PCDHGA5: variants seen among roughly 807,000 people sequenced by gnomAD.
PCDHGA5 encodes protocadherin gamma subfamily A, 5, also known as protocadherin gamma-A5.
In PCDHGA5, 36 loss-of-function variants were observed where a neutral mutation model predicts 56.7. The observed-to-expected ratio is 0.64, with a 90% confidence interval of 0.49 to 0.84. The LOEUF (loss-of-function observed/expected upper bound fraction) is 0.84. Among genes scored for constraint, PCDHGA5 ranks in the 40% least tolerant of loss-of-function variants. PCDHGA5 has a pLI of 0.00. For synonymous variants in PCDHGA5, 563 were observed against 520.2 expected (o/e 1.08, Z -1.12); for missense variants, 1,305 against 1,201.5 (o/e 1.09, Z -1.27).
At chr5:141,464,279 C>CAAA (rs373828487) in intron 1 of PCDHGA5, among the ~76,000 whole-genome samples, 8 of 137,748 alleles carry the variant, frequency 5.8e-5, no homozygotes, top group Admixed American at 1.5e-4. Flanking sequence ...AAAAAAAAAG[C>CAAA]AAAAAAAAAA....
At chr5:141,393,512 G>A in intron 1 of PCDHGA5, 1 of 1,613,996 alleles carries the variant, frequency 6.2e-7, no homozygotes, top group Non-Finnish European at 8.5e-7. Flanking sequence ...TGACAGTGTT[G>A]GATACAAATG....
chr5:141,491,702 T>A lies in PCDHGA5; in HGVS notation c.2422-3105T>A. The A allele has an allele frequency of 6.2e-7, 1 of 1,611,514 alleles. No homozygotes were observed. Among genetic ancestry groups the A allele is most frequent in the Non-Finnish European group, 8.5e-7 (1 of 1,178,984 alleles). ...AATACGCTGCGGGAGCGGAGCCAGG[T>A]GAGGGGCTCGGCGCCGCCCCGGGCG... On this transcript the variant is annotated intron_variant, in intron 1 of 3. Coordinates refer to ENST00000518069, the MANE Select transcript of PCDHGA5 (RefSeq NM_018918.3). The surrounding 1 kb of genome is among the most constrained non-coding windows in gnomAD (Gnocchi z 6.9).
intron 1 of PCDHGA5, chr5:141,374,106 C>T (rs377211748): frequency 1.1e-5 from 17 of 1,572,446 alleles, no homozygotes; most frequent in South Asian, 3.5e-5. Flanking sequence ...CAGAGGCATC[C>T]GCAGCGCAGC....
Position 141,486,429 on chromosome 5 carries a change from C to G in PCDHGA5, c.2422-8378C>G, listed in dbSNP as rs2099629385. On this transcript the variant is annotated intron_variant, in intron 1 of 3. Transcript: ENST00000518069. The surrounding 1 kb of genome is among the most constrained non-coding windows in gnomAD (Gnocchi z 5.0). ...GGACCCTTGGATCGAGAGGCCAAAT[C>G]TAGCTATGACATCATGGTCACTGCT... 1.1e-5 allele frequency: 17 copies of G among 1,614,192 alleles called. No homozygotes were observed. Among genetic ancestry groups the G allele is most frequent in the Non-Finnish European group, 1.4e-5 (17 of 1,180,008 alleles).
rs146748846 is a variant in PCDHGA5 at position 141,452,937 on chromosome 5, G to C, written c.2422-41870G>C. 4.0e-4 allele frequency among the ~76,000 whole-genome samples: 61 copies of C among 152,254 alleles called. No individual in the cohort carries two copies. The East Asian group carries it at 0.01, about 26-fold the overall frequency. On this transcript the variant is annotated intron_variant, in intron 1 of 3. Coordinates refer to ENST00000518069, the MANE Select transcript of PCDHGA5 (RefSeq NM_018918.3). The stretch of plus-strand genomic sequence containing the variant: ...AGTAAGAAAGAGCTGCTGAAGATTT[G>C]CTTGCAATTGGTTGTCTTTAAACTG...
chr5:141,421,916 G>T (rs754653877), intron 1 of PCDHGA5: 1 of 1,613,528 alleles, frequency 6.2e-7, no homozygotes. Flanking sequence ...GTTCCCATTC[G>T]TGTGGTGGTC....
rs767197233 is a variant in PCDHGA5, at chr5:141,418,642, C to T, written c.2421+51891C>T. On this transcript the variant is annotated intron_variant, in intron 1 of 3. Coordinates refer to ENST00000518069, the MANE Select transcript of PCDHGA5 (RefSeq NM_018918.3). ...AAGACGTGCCTCCAGGCACCTCCAT[C>T]CTGAGAGTGAAGGCCACTGACCAGG... The T allele has an allele frequency of 2.3e-5, 37 of 1,614,028 alleles. No individual in the cohort carries two copies. In the South Asian group the frequency reaches 3.6e-4, roughly 16 times the overall value.
chr5:141,463,125 G>A (rs2099053159), intron 1 of PCDHGA5, among the ~76,000 whole-genome samples: 3 of 152,192 alleles, frequency 2.0e-5, no homozygotes, highest in East Asian at 1.9e-4. Context: ...ATAGCTCCCT[G>A]GCAGTTCTTC....
intron 1 of PCDHGA5, among the ~76,000 whole-genome samples, chr5:141,482,089 CA>C (rs36035257): frequency 0.43 from 58,297 of 134,322 alleles, 12,050 homozygotes; most frequent in African/African-American, 0.53. Context: ...CACTCCATCT[CA>C]AAAAAAAAAA....
intron 1 of PCDHGA5, chr5:141,442,107 C>A: frequency 6.0e-6 from 1 of 166,198 alleles, no homozygotes; most frequent in Non-Finnish European, 1.3e-5. Flanking sequence ...CCACCACTAC[C>A]GCCCCTCGTC....
At chr5:141,376,514 T>C in intron 1 of PCDHGA5, 1 of 1,613,998 alleles carries the variant, frequency 6.2e-7, no homozygotes, top group Non-Finnish European at 8.5e-7. Context: ...TCAGGTGAGT[T>C]TCTTTCCGCC....
intron 1 of PCDHGA5, chr5:141,391,690 A>AC (rs1231042361): frequency 6.6e-6 from 1 of 152,236 alleles, no homozygotes; most frequent in African/African-American, 2.4e-5. Flanking sequence ...TTCATCTGCT[A>AC]CGTTGCCCAG....
chr5:141,402,857 A>G, intron 1 of PCDHGA5: 2 of 1,425,270 alleles, frequency 1.4e-6, no homozygotes, highest in Non-Finnish European at 1.8e-6. Context: ...CTTTCTTCTA[A>G]GGAAAAGATC....
chr5:141,483,168 C>A (rs750259590), intron 1 of PCDHGA5, among the ~76,000 whole-genome samples: 3 of 152,104 alleles, frequency 2.0e-5, no homozygotes, highest in Non-Finnish European at 4.4e-5. Context: ...CCTGAGTTAC[C>A]TTTGGGCCAA....
Position 141,431,975 on chromosome 5 carries a change from A to G in PCDHGA5, c.2422-62832A>G. 1 of 1,614,218 alleles carries G rather than the reference A, an allele frequency of 6.2e-7. No individual in the cohort carries two copies. Among genetic ancestry groups the G allele is most frequent in the Non-Finnish European group, 8.5e-7 (1 of 1,180,022 alleles). ...TTACGGAAATTACTATAGTTTAGTC[A>G]CAGACATAGTCTTGGATAGGGAACA... On this transcript the variant is annotated intron_variant, in intron 1 of 3. Transcript: ENST00000518069. The surrounding 1 kb of genome is among the most constrained non-coding windows in gnomAD (Gnocchi z 4.8).
rs1288507078 is a variant in PCDHGA5 at position 141,476,171 on chromosome 5, G to A, written c.2422-18636G>A. On this transcript the variant is annotated intron_variant, in intron 1 of 3. Transcript: ENST00000518069. This position sits in a 1 kb window ranked among gnomAD's most constrained non-coding sequence, Gnocchi z 7.6. ...GGTAAGCACCGGGAGGGTAGTGGGA[G>A]TTTTGCTTCTGCTTGGTGCCTTGAA... The A allele has an allele frequency of 1.2e-6, 2 of 1,613,442 alleles. No individual in the cohort carries two copies. The highest frequency in any genetic ancestry group is 1.7e-6 in the Non-Finnish European group (2 of 1,179,978).
chr5:141,434,889 A>C (rs1213631251), intron 1 of PCDHGA5, among the ~76,000 whole-genome samples: 2 of 151,512 alleles, frequency 1.3e-5, no homozygotes, highest in African/African-American at 4.8e-5. Context: ...ACAACAATCC[A>C]GTCCCCTTCC....
At chr5:141,408,769 C>T in intron 1 of PCDHGA5, 1 of 1,611,166 alleles carries the variant, frequency 6.2e-7, no homozygotes, top group Non-Finnish European at 8.5e-7. Context: ...CCGATGGTGG[C>T]AAATACCCAG....
chr5:141,409,883 C>T lies in PCDHGA5; in HGVS notation c.2421+43132C>T, dbSNP rs530193346. 1.2e-6 allele frequency: 2 copies of T among 1,612,988 alleles called. No individual in the cohort carries two copies. The highest frequency in any genetic ancestry group is 3.3e-5 in the Admixed American group (2 of 59,964). ...GGGAGACCGCAATGACAACGCACCGCGGGTGCTGTACCCAGCTCTGGGTCC... is the reference window on the plus strand; with the variant it reads ...GGGAGACCGCAATGACAACGCACCGTGGGTGCTGTACCCAGCTCTGGGTCC... On this transcript the variant is annotated intron_variant, in intron 1 of 3. Transcript: ENST00000518069.
Sources: gnomAD v4.1 joint callset for allele counts (sites outside exome capture counted in the v4.1 genomes callset) on GRCh38, gnomAD v4.1.1 for gene constraint, Gnocchi (gnomAD v3.1) non-coding constraint, MANE v1.5 for transcripts, NCBI Gene and HGNC (gene_info 2026-07-23, HGNC 2026-07-21) for gene names.